FAM217A: variants seen among roughly 807,000 people sequenced by gnomAD.
The protein encoded by FAM217A is protein FAM217A.
In FAM217A, 13 loss-of-function variants were observed where a neutral mutation model predicts 18.5. The ratio of observed to expected loss-of-function variants is 0.70; its 90% CI spans 0.46 to 1.12. The LOEUF (loss-of-function observed/expected upper bound fraction) is 1.12, where lower values mean the gene tolerates loss of function less well. Ranked by LOEUF, FAM217A falls within the 50% of genes most tolerant of loss-of-function variation. The probability of loss-of-function intolerance (pLI) is 0.00; values close to 1 mark genes in which losing one functional copy is unlikely to be tolerated. For synonymous variants in FAM217A, 161 were observed against 202.8 expected (o/e 0.79, Z 1.75); for missense variants, 560 against 575.4 (o/e 0.97, Z 0.27).
chr6:4,083,051 T>G (rs1770405756), upstream of FAM217A, among the ~76,000 whole-genome samples: 1 of 152,354 alleles, frequency 6.6e-6, no homozygotes, highest in South Asian at 2.1e-4. Context: ...CTTGCCTTAC[T>G]TTAAATCTGC....
upstream of FAM217A, chr6:4,079,625 C>T (rs551176788): frequency 2.3e-6 from 3 of 1,288,548 alleles, no homozygotes; most frequent in South Asian, 3.7e-5. Context: ...CCCGGCCCAC[C>T]CGCCTCCACC....
chr6:4,084,799 C>T (rs1283989943), exon 2 of FAM217A: 1 of 702,964 alleles, frequency 1.4e-6, no homozygotes, highest in African/African-American at 1.7e-5. Context: ...ATTCAGGAGA[C>T]ACAGCAACCC....
At chr6:4,085,370 A>G (rs1465065692) in intron 1 of FAM217A, among the ~76,000 whole-genome samples, 2 of 151,562 alleles carry the variant, frequency 1.3e-5, no homozygotes, top group Non-Finnish European at 2.9e-5. Flanking sequence ...TTTATTTAAA[A>G]ACAAAATTTA....
At chr6:4,085,311 A>AAAAAAAAAATATATATAT (rs377046907) in intron 1 of FAM217A, among the ~76,000 whole-genome samples, 1 of 146,420 alleles carries the variant, frequency 6.8e-6, no homozygotes, top group African/African-American at 2.5e-5. Context: ...TGTAAAAAAA[A>AAAAAAAAAATATATATAT]ATATATATAT....
chr6:4,073,671 T>C (rs1387002657), intron 4 of FAM217A, among the ~76,000 whole-genome samples, 164 bp from the exon 5 acceptor site: 1 of 152,230 alleles, frequency 6.6e-6, no homozygotes. Flanking sequence ...CAGCAGAAAT[T>C]AGTAAAACCT....
At chr6:4,080,911 CAAA>C (rs11300347), upstream of FAM217A, among the ~76,000 whole-genome samples, 1 of 136,960 alleles carries the variant, frequency 7.3e-6, no homozygotes, top group South Asian at 2.4e-4. Flanking sequence ...AGAAAAAATA[CAAA>C]AAAAAAAAAA....
upstream of FAM217A, among the ~76,000 whole-genome samples, chr6:4,081,123 C>G (rs1235374443): frequency 1.3e-5 from 2 of 152,068 alleles, no homozygotes; most frequent in African/African-American, 2.4e-5. Flanking sequence ...GTAAGGCACT[C>G]AATAAATGTT....
upstream of FAM217A, chr6:4,079,346 C>CGGG: frequency 4.6e-6 from 1 of 218,874 alleles, no homozygotes; most frequent in Non-Finnish European, 9.2e-6. Flanking sequence ...TGCGCCCCGC[C>CGGG]CGGCCTCCCC....
intron 4 of FAM217A, among the ~76,000 whole-genome samples, chr6:4,073,877 C>T (rs908706939): frequency 1.8e-4 from 27 of 152,114 alleles, no homozygotes; most frequent in East Asian, 3.9e-4. Flanking sequence ...GACAGGGTCT[C>T]GTTCTGTTGC....
Position 4,069,910 on chromosome 6 carries a change from T to G in FAM217A, c.313A>C (p.Lys105Gln), listed in dbSNP as rs756712267. ...GSTIEKREFK[K>Q]SSVETGFNVI... ...TTAAAGCCAGTTTCCACTGAAGATT[T>G]TTTGAATTCCCTTTAAAAAATAATT... The change falls in exon 7 of 7, where the codon AAA becomes CAA. Residue 105 changes from lysine to glutamine, a missense_variant. By Grantham distance (53) the Lys-to-Gln change is moderately conservative (BLOSUM62 1). Transcript: ENST00000274673. The G allele has an allele frequency of 6.4e-7, 1 of 1,564,826 alleles. No homozygotes were observed. The highest frequency in any genetic ancestry group is 2.3e-5 in the East Asian group (1 of 44,404).
At position 4,074,033 on chromosome 6, in the gene FAM217A, G is replaced by A. The variant is rs559762778; in HGVS notation, c.159+410C>T. ...GCCTGGCTAATTTTTTTGTATTTTTGTAGAGATGGGGTTTCACCATATTGC... is the reference window on the plus strand; with the variant it reads ...GCCTGGCTAATTTTTTTGTATTTTTATAGAGATGGGGTTTCACCATATTGC... On this transcript the variant is annotated intron_variant, in intron 4 of 6. Coordinates refer to ENST00000274673, the MANE Select transcript of FAM217A (RefSeq NM_173563.3). Among the ~76,000 whole-genome samples, 68 of 152,076 alleles carry A rather than the reference G, an allele frequency of 4.5e-4. 1 individual carries two copies. Among genetic ancestry groups the A allele is most frequent in the African/African-American group, 1.6e-3 (68 of 41,492 alleles).
chr6:4,075,820 A>G (rs1769753241), intron 2 of FAM217A, among the ~76,000 whole-genome samples: 1 of 152,190 alleles, frequency 6.6e-6, no homozygotes, highest in South Asian at 2.1e-4. Flanking sequence ...TTTATCCACA[A>G]AGAGATATCT....
In FAM217A at chr6:4,078,887, TC is replaced by T; in HGVS notation, c.-71del. ...CCCACGTGTCCTCCCCGGCGTGCTC[TC>T]CCGGTGCGCCGCCCCGAGGCCCGAG... is the stretch of plus-strand genomic sequence containing the variant. On this transcript the variant is annotated 5_prime_UTR_variant, in exon 1 of 7. Transcript: ENST00000274673. 5.3e-6 allele frequency: 3 copies of T among 565,030 alleles called. No homozygotes were observed. The highest frequency in any genetic ancestry group is 2.0e-5 in the South Asian group (1 of 49,246). 35.0% of individuals were successfully genotyped at this position (565,030 alleles called of 1,614,324 possible).
At chr6:4,086,778 G>T (rs1483694917) in intron 1 of FAM217A, among the ~76,000 whole-genome samples, 1 of 152,150 alleles carries the variant, frequency 6.6e-6, no homozygotes, top group Non-Finnish European at 1.5e-5. Context: ...TCTATTATTT[G>T]CATTTTTGTT....
At chr6:4,079,620 C>A, upstream of FAM217A, 2 of 1,251,428 alleles carry the variant, frequency 1.6e-6, no homozygotes, top group Non-Finnish European at 2.1e-6. Flanking sequence ...CGGGGCCCGG[C>A]CCACCCGCCT....
upstream of FAM217A, chr6:4,079,199 A>AGG (rs929185559): frequency 1.5e-4 from 44 of 294,454 alleles, no homozygotes; most frequent in African/African-American, 9.0e-4. Context: ...GCGTTCCACA[A>AGG]GGTCCACGCG....
At chr6:4,072,633 A>G (rs1236631351) in intron 6 of FAM217A, among the ~76,000 whole-genome samples, 1 of 151,996 alleles carries the variant, frequency 6.6e-6, no homozygotes, top group Non-Finnish European at 1.5e-5. Context: ...GTGGTGGCCC[A>G]TGCCTGTAAA....
In FAM217A at chr6:4,069,153, G is replaced by C. The variant is rs775981649; in HGVS notation, c.1070C>G (p.Ser357Cys). ...DKSQEKSKNNSGSCKLEQNAL... is the reference protein window; with the variant it reads ...DKSQEKSKNNCGSCKLEQNAL... ...ATTTTGTTCAAGCTTACAAGAACCAGAGTTGTTTTTACTTTTTTCTTGACT... is the reference window on the plus strand; with the variant it reads ...ATTTTGTTCAAGCTTACAAGAACCACAGTTGTTTTTACTTTTTTCTTGACT... The change falls in exon 7 of 7, where the codon TCT becomes TGT. Residue 357 changes from serine (S) to cysteine (C), a missense_variant. Transcript: ENST00000274673. 2.5e-6 allele frequency: 4 copies of C among 1,614,046 alleles called. No individual in the cohort carries two copies. Among genetic ancestry groups the C allele is most frequent in the Non-Finnish European group, 2.5e-6 (3 of 1,180,006 alleles).
rs774905202 is a variant in FAM217A, at chr6:4,069,260, G to C, written c.963C>G (p.Pro321=). Residue 321 remains proline (P), a synonymous_variant, in exon 7 of 7, where the codon CCC becomes CCG. Coordinates refer to ENST00000274673, the MANE Select transcript of FAM217A (RefSeq NM_173563.3). ...TFCTPAVTER[P]SSSKATPKVR... ...CTTTTGGTGTAGCTTTGGAGGAAGAGGGTCGTTCAGTAACTGCTGGAGTAC... is the reference window on the plus strand; with the variant it reads ...CTTTTGGTGTAGCTTTGGAGGAAGACGGTCGTTCAGTAACTGCTGGAGTAC... The C allele has an allele frequency of 1.9e-6, 3 of 1,614,052 alleles. No homozygotes were observed. The African/African-American group carries it at 4.0e-5, about 22-fold the overall frequency.
Sources: allele counts gnomAD v4.1 joint callset (sites outside exome capture counted in the v4.1 genomes callset), GRCh38; gene constraint gnomAD v4.1.1; transcripts MANE v1.5; gene names NCBI Gene and HGNC (gene_info 2026-07-23, HGNC 2026-07-21).